PCDH7: variants seen among roughly 807,000 people sequenced by gnomAD.
PCDH7 encodes protocadherin-7.
A neutral mutation model predicts 58.9 loss-of-function variants in PCDH7; 17 were observed. The observed-to-expected ratio is 0.29, with a 90% confidence interval of 0.20 to 0.43. The LOEUF (loss-of-function observed/expected upper bound fraction) is 0.43, where lower values mean the gene tolerates loss of function less well. Ranked by LOEUF, PCDH7 falls within the 20% of genes least tolerant of loss-of-function variation. PCDH7 has a pLI of 1.00. For missense variants in PCDH7, 1,274 were observed against 1,441.0 expected, an observed-to-expected ratio of 0.88 and a Z score of 1.88; for synonymous variants, 664 against 616.4, an observed-to-expected ratio of 1.08 and a Z score of -1.14.
At chr4:30,804,342 C>T (rs1725909228) in intron 1 of PCDH7, among the ~76,000 whole-genome samples, 1 of 151,968 alleles carries the variant, frequency 6.6e-6, no homozygotes, top group African/African-American at 2.4e-5. Context: ...AGATTGAGAC[C>T]AGCCTGGTCA....
At chr4:31,119,431 A>G (rs1485942058) in intron 3 of PCDH7, among the ~76,000 whole-genome samples, 2 of 152,132 alleles carry the variant, frequency 1.3e-5, no homozygotes, top group Non-Finnish European at 2.9e-5. Flanking sequence ...CTGCAAATCC[A>G]TATGGGTCTG....
intron 3 of PCDH7, among the ~76,000 whole-genome samples, chr4:31,082,655 C>T (rs1190202026): frequency 6.6e-6 from 1 of 152,044 alleles, no homozygotes; most frequent in East Asian, 1.9e-4. Context: ...GGCCATTATT[C>T]TAAGTGAAGT....
intron 3 of PCDH7, among the ~76,000 whole-genome samples, chr4:31,070,673 A>C (rs1758472007): frequency 6.6e-6 from 1 of 152,106 alleles, no homozygotes; most frequent in African/African-American, 2.4e-5. Context: ...GCCTATGGAA[A>C]TATTTCTTCC....
intron 1 of PCDH7, among the ~76,000 whole-genome samples, chr4:30,832,953 A>G (rs73213200): frequency 0.072 from 10,983 of 152,276 alleles, 579 homozygotes; most frequent in Non-Finnish European, 0.11. Flanking sequence ...TTTCTACTAC[A>G]ATATCTCTGT....
intron 3 of PCDH7, among the ~76,000 whole-genome samples, chr4:31,018,964 A>C (rs59407249): frequency 0.093 from 14,233 of 152,250 alleles, 1,744 homozygotes; most frequent in African/African-American, 0.28. Flanking sequence ...TTAAAGCTTA[A>C]GATAAATAGG....
chr4:30,920,003 A>G (rs1742977024), intron 1 of PCDH7, 150 bp from the exon 2 acceptor site: 3 of 435,230 alleles, frequency 6.9e-6, no homozygotes, highest in East Asian at 1.5e-4. Context: ...TAGATAATAC[A>G]TAGTTAACTA....
chr4:30,936,799 CTTGT>C (rs1745393377), intron 2 of PCDH7, among the ~76,000 whole-genome samples: 1 of 152,072 alleles, frequency 6.6e-6, no homozygotes, highest in Non-Finnish European at 1.5e-5. Context: ...CTTTTATTTG[CTTGT>C]TTGTTTCAGA....
intron 3 of PCDH7, among the ~76,000 whole-genome samples, chr4:31,123,859 A>ACAAACTCCTCTCCAACCGTCCCCAGC (rs1560245950): frequency 6.6e-6 from 1 of 151,944 alleles, no homozygotes. Flanking sequence ...GGAGAGGAGG[A>ACAAACTCCTCTCCAACCGTCCCCAGC]CAAACTCCTC....
At position 31,056,532 on chromosome 4, in the gene PCDH7, A is replaced by C. The variant is rs74926048; in HGVS notation, c.*8-85941A>C. Reference sequence around the variant, plus strand: ...AAGAAAGAAAGGGGAAGGGAAGGGAAGGAAGGAGAGAGGGAGAGAGAGAGA... The same window carrying C: ...AAGAAAGAAAGGGGAAGGGAAGGGACGGAAGGAGAGAGGGAGAGAGAGAGA... On this transcript the variant is annotated intron_variant, in intron 3 of 3. Transcript: ENST00000509759. 3.2e-3 allele frequency among the ~76,000 whole-genome samples: 461 copies of C among 142,628 alleles called. 2 individuals carry two copies. The highest frequency in any genetic ancestry group is 0.011 in the African/African-American group (445 of 39,558). 93.6% of individuals were successfully genotyped at this position (142,628 alleles called of 152,430 possible). A position where few individuals can be genotyped will look rare whatever the true frequency, so the allele number is the denominator to read the frequency against.
chr4:30,789,008 C>T (rs891163360), intron 1 of PCDH7, among the ~76,000 whole-genome samples: 11 of 152,084 alleles, frequency 7.2e-5, no homozygotes, highest in Non-Finnish European at 4.4e-5. Flanking sequence ...CTGGTTTCCA[C>T]TTAAATTGAC....
chr4:30,792,851 A>G (rs2109299973), intron 1 of PCDH7, among the ~76,000 whole-genome samples: 1 of 152,276 alleles, frequency 6.6e-6, no homozygotes, highest in Non-Finnish European at 1.5e-5. Flanking sequence ...GCATTCCAAA[A>G]AGATCAGAAA....
intron 3 of PCDH7, among the ~76,000 whole-genome samples, chr4:30,969,559 T>G: frequency 6.6e-6 from 1 of 152,180 alleles, no homozygotes; most frequent in South Asian, 2.1e-4. Context: ...AGAAGCCATC[T>G]CTTTAGCCTC....
chr4:30,863,723 C>G (rs975089904), intron 1 of PCDH7, among the ~76,000 whole-genome samples: 1 of 152,056 alleles, frequency 6.6e-6, no homozygotes, highest in African/African-American at 2.4e-5. Flanking sequence ...ATTATTTAAA[C>G]TTTTGTATTG....
intron 3 of PCDH7, among the ~76,000 whole-genome samples, chr4:31,057,046 T>G (rs1198780028): frequency 6.6e-6 from 1 of 152,246 alleles, no homozygotes; most frequent in Non-Finnish European, 1.5e-5. Context: ...TAAATAAGTT[T>G]GGCCTTTGTT....
intron 3 of PCDH7, among the ~76,000 whole-genome samples, chr4:31,123,013 T>G (rs1717873769): frequency 6.6e-6 from 1 of 152,018 alleles, no homozygotes; most frequent in African/African-American, 2.4e-5. Context: ...ATTAAATTAT[T>G]TTATAATTAT....
intron 1 of PCDH7, among the ~76,000 whole-genome samples, chr4:30,816,460 C>A (rs949817324): frequency 1.3e-5 from 2 of 152,128 alleles, no homozygotes; most frequent in African/African-American, 4.8e-5. Context: ...AATATGTAAG[C>A]ATGGACTTTC....
At position 31,032,271 on chromosome 4, in the gene PCDH7, C is replaced by T. The variant is rs149678395; in HGVS notation, c.*7+82056C>T. Among the ~76,000 whole-genome samples the T allele has an allele frequency of 1.3e-3, 204 of 152,134 alleles. 2 individuals carry two copies. The South Asian group carries it at 0.018, about 14-fold the overall frequency. ...TCATGTGGCTCATATTCTTTTTCAA[C>T]GCCAAAATAACTTTTAAAAATGTAT... is the stretch of plus-strand genomic sequence containing the variant. On this transcript the variant is annotated intron_variant, in intron 3 of 3. Transcript: ENST00000509759.
chr4:30,751,054 G>A lies in PCDH7; in HGVS notation c.70+26458G>A, dbSNP rs183563774. On this transcript the variant is annotated intron_variant, in intron 1 of 3. Transcript: ENST00000509759. ...ACAATGAGGCCATAAAATGAGTTAG[G>A]TTTTTATTTCAAAGACTTTTTGTGG... Among the ~76,000 whole-genome samples the A allele has an allele frequency of 3.6e-3, 543 of 152,226 alleles. 5 individuals are homozygous for A. Among genetic ancestry groups the A allele is most frequent in the African/African-American group, 0.012 (507 of 41,532 alleles).
intron 3 of PCDH7, among the ~76,000 whole-genome samples, chr4:31,079,636 T>C (rs2109266487): frequency 6.6e-6 from 1 of 151,926 alleles, no homozygotes; most frequent in South Asian, 2.1e-4. Context: ...GAAGAAATTT[T>C]GCAATAGCTG....
Sources: gnomAD v4.1 joint callset for allele counts (sites outside exome capture counted in the v4.1 genomes callset) on GRCh38, gnomAD v4.1.1 for gene constraint, MANE v1.5 for transcripts, NCBI Gene and HGNC (gene_info 2026-07-23, HGNC 2026-07-21) for gene names.